Variants in MTMR3 observed in about 807,000 individuals in gnomAD.
MTMR3 encodes phosphatidylinositol-3,5-bisphosphate 3-phosphatase MTMR3.
Under a neutral mutation model 132.4 loss-of-function variants are expected in MTMR3, and 32 were observed. That is an observed-to-expected ratio of 0.24 (90% confidence interval 0.18 to 0.32). The LOEUF is 0.32. Among genes scored for constraint, MTMR3 ranks in the 10% least tolerant of loss-of-function variants. The pLI is 1.00. For missense variants in MTMR3, 1,216 were observed against 1,489.6 expected (o/e 0.82, Z 3.02); for synonymous variants, 556 against 550.3 (o/e 1.01, Z -0.14).
intron 3 of MTMR3, among the ~76,000 whole-genome samples, chr22:29,972,627 G>A (rs1303199296): frequency 6.6e-6 from 1 of 152,186 alleles, no homozygotes; most frequent in Non-Finnish European, 1.5e-5. Context: ...CTGGAGTGCA[G>A]TGGTGCGATC....
At chr22:29,906,558 A>G (rs1476972996) in intron 1 of MTMR3, among the ~76,000 whole-genome samples, 2 of 150,786 alleles carry the variant, frequency 1.3e-5, no homozygotes, top group Non-Finnish European at 1.5e-5. Flanking sequence ...CTGGTCTCCA[A>G]CTCCTGACCT....
At chr22:30,014,931 C>A (rs1334074928) in intron 14 of MTMR3, 1 of 152,202 alleles carries the variant, frequency 6.6e-6, no homozygotes, top group African/African-American at 2.4e-5. Flanking sequence ...GCTGATGAGT[C>A]CCACATTTAT....
intron 9 of MTMR3, chr22:30,004,256 G>A (rs1344779147): frequency 6.6e-6 from 1 of 152,214 alleles, no homozygotes; most frequent in African/African-American, 2.4e-5. Flanking sequence ...AGGGATTTAT[G>A]AGTCTTATCA....
Position 30,019,533 on chromosome 22 carries a change from T to A in MTMR3, c.1874T>A (p.Val625Glu), listed in dbSNP as rs771037043. Residue 625 changes from valine (V) to glutamate (E), a missense_variant, in exon 17 of 20, where the codon GTG (valine) becomes GAG (glutamate). Around this residue, in one of 7 missense-constraint regions of MTMR3, gnomAD observed 852 missense variants for 852.0 expected, o/e 1.00. Transcript: ENST00000401950. ...DNLTTACDNTVPLASRRCSDP... is the reference protein window; with the variant it reads ...DNLTTACDNTEPLASRRCSDP... ...CTGACCACAGCCTGTGACAACACAGTGCCTCTGGCCAGCCGGCGCTGCAGC... is the reference window on the plus strand; with the variant it reads ...CTGACCACAGCCTGTGACAACACAGAGCCTCTGGCCAGCCGGCGCTGCAGC... 4 of 1,611,718 alleles carry A rather than the reference T, an allele frequency of 2.5e-6. No individual in the cohort carries two copies. The African/African-American group carries it at 5.3e-5, about 22-fold the overall frequency.
chr22:29,883,271 C>G lies in MTMR3; in HGVS notation c.-226C>G, dbSNP rs1304881507. The G allele has an allele frequency of 6.5e-6, 1 of 153,614 alleles. No individual in the cohort carries two copies. Among genetic ancestry groups the G allele is most frequent in the African/African-American group, 2.4e-5 (1 of 41,490 alleles). The allele number at this position is 153,614 out of a possible 1,614,324, so 9.5% of individuals were successfully genotyped here. On this transcript the variant is annotated 5_prime_UTR_variant, in exon 1 of 20. Coordinates refer to ENST00000401950, the MANE Select transcript of MTMR3 (RefSeq NM_021090.4). ...ACGAGACGTCCCAGCGGCTCAGGCGCTGCCCAGCGCCGGCCCTGGCAGGGA... is the reference window on the plus strand; with the variant it reads ...ACGAGACGTCCCAGCGGCTCAGGCGGTGCCCAGCGCCGGCCCTGGCAGGGA...
intron 5 of MTMR3, chr22:29,980,030 T>C (rs1031170426): frequency 1.3e-5 from 2 of 152,260 alleles, no homozygotes. Flanking sequence ...GCCTTCTTCC[T>C]TCTTTACTTG....
intron 3 of MTMR3, among the ~76,000 whole-genome samples, chr22:29,971,343 T>TA (rs1462952007): frequency 6.6e-6 from 1 of 152,190 alleles, no homozygotes; most frequent in Non-Finnish European, 1.5e-5. Flanking sequence ...GACTAAAACA[T>TA]ACAGTTCTCG....
chr22:30,019,869 T>A lies in MTMR3; in HGVS notation c.2210T>A (p.Ile737Asn). 2 of 1,614,140 alleles carry A rather than the reference T, an allele frequency of 1.2e-6. No homozygotes were observed. Among genetic ancestry groups the A allele is most frequent in the South Asian group, 2.2e-5 (2 of 91,084 alleles). The stretch of plus-strand genomic sequence containing the variant: ...AGGAAGACACCTGAGGCCTCAGCCA[T>A]TGGACTTCACCAAGACCCAGAACTG... ...SRRKTPEASA[I>N]GLHQDPELGD... The change falls in exon 17 of 20, where the codon ATT (isoleucine) becomes AAT (asparagine). Residue 737 changes from isoleucine to asparagine, a missense_variant. By Grantham distance (149) the Ile-to-Asn change is moderately radical. Transcript: ENST00000401950.
chr22:29,980,122 C>G (rs1362317595), intron 5 of MTMR3: 1 of 151,598 alleles, frequency 6.6e-6, no homozygotes, highest in Non-Finnish European at 1.5e-5. Context: ...GACTGTAATT[C>G]CATGCAGACT....
chr22:29,918,345 T>C (rs2065347281), intron 1 of MTMR3, among the ~76,000 whole-genome samples: 1 of 152,244 alleles, frequency 6.6e-6, no homozygotes, highest in African/African-American at 2.4e-5. Flanking sequence ...ATCTCTAAAG[T>C]GGCCATCTGA....
At chr22:29,888,620 A>G (rs560541457) in intron 1 of MTMR3, among the ~76,000 whole-genome samples, 1 of 152,164 alleles carries the variant, frequency 6.6e-6, no homozygotes, top group African/African-American at 2.4e-5. Flanking sequence ...TTCCCTTAAC[A>G]TGGAGTATGG....
chr22:29,936,103 A>C lies in MTMR3; in HGVS notation c.-137-20933A>C, dbSNP rs570246398. 3.3e-5 allele frequency among the ~76,000 whole-genome samples: 5 copies of C among 152,108 alleles called. No homozygotes were observed. In the East Asian group the frequency reaches 7.7e-4, roughly 23 times the overall value. ...TTAGAAGATGGAGACAAAACCAACT[A>C]TCCTTCTGCTATCTCTTAGATTTTC... is the stretch of plus-strand genomic sequence containing the variant. On this transcript the variant is annotated intron_variant, in intron 1 of 19. Coordinates refer to ENST00000401950, the MANE Select transcript of MTMR3 (RefSeq NM_021090.4).
chr22:30,013,290 A>G (rs2067482544), intron 13 of MTMR3, 66 bp from the exon 14 acceptor site: 1 of 1,523,108 alleles, frequency 6.6e-7, no homozygotes, highest in Admixed American at 1.8e-5. Flanking sequence ...CTGTGACACC[A>G]GGCTTAGGAC....
At chr22:29,906,264 CTGTCTGT>C (rs1443737945) in intron 1 of MTMR3, among the ~76,000 whole-genome samples, 3 of 93,704 alleles carry the variant, frequency 3.2e-5, no homozygotes, top group African/African-American at 1.6e-4. Flanking sequence ...GTCTGTCTGT[CTGTCTGT>C]CTGTCTGTCT....
At chr22:29,912,356 C>G (rs1480469872) in intron 1 of MTMR3, among the ~76,000 whole-genome samples, 2 of 152,164 alleles carry the variant, frequency 1.3e-5, no homozygotes, top group Non-Finnish European at 2.9e-5. Context: ...GTGGCATGAT[C>G]ATAGCACACT....
chr22:29,955,595 T>G (rs1003929842), intron 1 of MTMR3, among the ~76,000 whole-genome samples: 2 of 152,224 alleles, frequency 1.3e-5, no homozygotes, highest in African/African-American at 4.8e-5. Context: ...TTCATTGTCA[T>G]ATAGTGTGTG....
intron 3 of MTMR3, among the ~76,000 whole-genome samples, chr22:29,972,437 T>C (rs1413424039): frequency 2.0e-5 from 3 of 152,230 alleles, no homozygotes; most frequent in African/African-American, 4.8e-5. Context: ...GAGTTGATTC[T>C]GTGTGTACTA....
At chr22:29,884,247 C>T (rs2064618477) in intron 1 of MTMR3, among the ~76,000 whole-genome samples, 1 of 149,222 alleles carries the variant, frequency 6.7e-6, no homozygotes, top group Non-Finnish European at 1.5e-5. Context: ...ATCTATTTTT[C>T]CACAACCCAA....
intron 1 of MTMR3, among the ~76,000 whole-genome samples, chr22:29,913,694 A>G (rs899087819): frequency 1.1e-4 from 17 of 150,350 alleles, no homozygotes; most frequent in Admixed American, 4.0e-4. Context: ...ATATTCCACA[A>G]TTCCTTTATT....
Sources: gnomAD v4.1 joint callset for allele counts (sites outside exome capture counted in the v4.1 genomes callset) on GRCh38, gnomAD v4.1.1 for gene constraint, gnomAD v4.1.1 regional missense constraint, MANE v1.5 for transcripts, NCBI Gene and HGNC (gene_info 2026-07-23, HGNC 2026-07-21) for gene names.